Variants in MARCO observed in about 807,000 individuals in gnomAD.
MARCO encodes the protein macrophage receptor MARCO.
In MARCO, 72 loss-of-function variants were observed where a neutral mutation model predicts 70.0. The observed-to-expected ratio is 1.03, with a 90% CI of 0.85 to 1.25. The LOEUF (loss-of-function observed/expected upper bound fraction) is 1.25, where lower values mean the gene tolerates loss of function less well. Ranked by LOEUF, MARCO falls within the 50% of genes most tolerant of loss-of-function variation. The probability of loss-of-function intolerance (pLI) is 0.00; values close to 1 mark genes in which losing one functional copy is unlikely to be tolerated. For synonymous variants in MARCO, 273 were observed against 243.1 expected, an observed-to-expected ratio of 1.12 and a Z score of -1.14; for missense variants, 696 against 659.3, an observed-to-expected ratio of 1.06 and a Z score of -0.61.
chr2:118,972,036 C>T (rs954224174), intron 4 of MARCO, among the ~76,000 whole-genome samples: 4 of 152,206 alleles, frequency 2.6e-5, no homozygotes, highest in Non-Finnish European at 5.9e-5. Context: ...CTGGGGCTTA[C>T]TGGCGGTGTG....
chr2:118,979,954 T>C (rs1159257496), intron 8 of MARCO, among the ~76,000 whole-genome samples: 2 of 152,250 alleles, frequency 1.3e-5, no homozygotes, highest in African/African-American at 4.8e-5. Context: ...TGGGAAGTTC[T>C]GAAGTCAGGC....
At chr2:118,964,887 CAAA>C (rs35141497) in intron 1 of MARCO, among the ~76,000 whole-genome samples, 6 of 133,288 alleles carry the variant, frequency 4.5e-5, no homozygotes, top group African/African-American at 5.5e-5. Flanking sequence ...GATACCATCT[CAAA>C]AAAAAAAAAA....
chr2:118,971,977 T>C (rs1340155044), intron 4 of MARCO, among the ~76,000 whole-genome samples: 2 of 152,188 alleles, frequency 1.3e-5, no homozygotes, highest in Admixed American at 6.5e-5. Flanking sequence ...GCAGGTGTCA[T>C]GGAGGCGCAG....
intron 4 of MARCO, among the ~76,000 whole-genome samples, chr2:118,973,947 C>T (rs56334891): frequency 0.13 from 19,458 of 152,258 alleles, 1,382 homozygotes; most frequent in South Asian, 0.27. Context: ...CCTTGTGAGC[C>T]TTCCTGTGAG....
intron 1 of MARCO, among the ~76,000 whole-genome samples, chr2:118,960,641 C>A (rs1679925554): frequency 6.6e-6 from 1 of 152,094 alleles, no homozygotes; most frequent in Non-Finnish European, 1.5e-5. Flanking sequence ...CCTTGCATAT[C>A]TGGAATAAAT....
chr2:118,983,166 C>T (rs11123499), intron 12 of MARCO, among the ~76,000 whole-genome samples: 49,939 of 152,132 alleles, frequency 0.33, 9,443 homozygotes, highest in Non-Finnish European at 0.43. Context: ...AAGCCAAGAG[C>T]GGGCAGGAGG....
intron 1 of MARCO, among the ~76,000 whole-genome samples, chr2:118,959,585 TA>T (rs1194682511): frequency 6.6e-6 from 1 of 152,162 alleles, no homozygotes; most frequent in Non-Finnish European, 1.5e-5. Flanking sequence ...GGAGATTCCT[TA>T]AAGAAGTAAA....
rs186384499 is a variant in MARCO, at chr2:118,993,063, G to A, written c.1253-61G>A. 815 of 1,431,106 alleles carry A rather than the reference G, an allele frequency of 5.7e-4. 1 individual carries two copies. In the African/African-American group the frequency reaches 7.5e-3, roughly 13 times the overall value. The allele number at this position is 1,431,106 out of a possible 1,614,324, so 88.7% of individuals were successfully genotyped here. A position where few individuals can be genotyped will look rare whatever the true frequency, so the allele number is the denominator to read the frequency against. ...ACTCCAAAATGAAAAGAAAGAGCCC[G>A]CACTTACCCAAAGCCCCAAGGGGCC... On this transcript the variant is annotated intron_variant, in intron 15 of 16. Transcript: ENST00000327097.
chr2:118,942,460 C>A, intron 1 of MARCO, 63 bp downstream of exon 1: 1 of 1,278,116 alleles, frequency 7.8e-7, no homozygotes. Flanking sequence ...TAGCGAGATA[C>A]GAAAATAGAC....
At chr2:118,966,333 G>T (rs1039167306) in intron 1 of MARCO, among the ~76,000 whole-genome samples, 4 of 152,168 alleles carry the variant, frequency 2.6e-5, no homozygotes, top group African/African-American at 9.7e-5. Context: ...ACTAGCAGCT[G>T]TTTTTATCCT....
intron 1 of MARCO, among the ~76,000 whole-genome samples, chr2:118,965,484 T>A (rs1243260349): frequency 1.3e-5 from 2 of 152,228 alleles, no homozygotes; most frequent in African/African-American, 4.8e-5. Flanking sequence ...CACTAAGGCA[T>A]TTTGTTACAG....
chr2:118,991,407 G>T (rs1202407595), intron 13 of MARCO, among the ~76,000 whole-genome samples: 7 of 152,072 alleles, frequency 4.6e-5, no homozygotes, highest in Non-Finnish European at 1.0e-4. Context: ...GATTACAGGA[G>T]TAAGCCACTG....
chr2:118,973,485 G>A (rs17009811), intron 4 of MARCO, among the ~76,000 whole-genome samples: 2 of 152,086 alleles, frequency 1.3e-5, no homozygotes, highest in Non-Finnish European at 1.5e-5. Flanking sequence ...TAGAAGTCTC[G>A]GCTCCTCCTC....
chr2:118,968,177 G>T (rs888629614), intron 1 of MARCO, among the ~76,000 whole-genome samples: 2 of 152,160 alleles, frequency 1.3e-5, no homozygotes, highest in African/African-American at 4.8e-5. Flanking sequence ...GCAGTCTGGG[G>T]CCCTCCCTTT....
intron 1 of MARCO, among the ~76,000 whole-genome samples, chr2:118,952,429 A>G (rs1207710098): frequency 1.3e-5 from 2 of 152,170 alleles, no homozygotes; most frequent in Non-Finnish European, 2.9e-5. Context: ...CCTAAGCCAT[A>G]TGAGGTAGCT....
chr2:118,956,859 T>C (rs1329418999), intron 1 of MARCO, among the ~76,000 whole-genome samples: 2 of 152,130 alleles, frequency 1.3e-5, no homozygotes, highest in East Asian at 3.9e-4. Context: ...GCCATGCAAA[T>C]ACATGGAAAT....
chr2:118,982,144 C>A lies in MARCO; in HGVS notation c.902-12C>A. Reference sequence around the variant, plus strand: ...AACCACCACAGCCTGGCAGTCACTACTTTCCTTTCAGGACAACCTGGACTG... The same window carrying A: ...AACCACCACAGCCTGGCAGTCACTAATTTCCTTTCAGGACAACCTGGACTG... On this transcript the variant is annotated splice_polypyrimidine_tract_variant and intron_variant, in intron 10 of 16. Coordinates refer to ENST00000327097, the MANE Select transcript of MARCO (RefSeq NM_006770.4). 2 of 1,598,630 alleles carry A rather than the reference C, an allele frequency of 1.3e-6. No individual in the cohort carries two copies. Among genetic ancestry groups the A allele is most frequent in the South Asian group, 1.1e-5 (1 of 90,366 alleles).
Position 118,981,457 on chromosome 2 carries a change from C to T in MARCO, c.815C>T (p.Pro272Leu), listed in dbSNP as rs1267690466. 1.9e-6 allele frequency: 3 copies of T among 1,596,492 alleles called. No homozygotes were observed. The highest frequency in any genetic ancestry group is 1.1e-5 in the South Asian group (1 of 87,226). The change falls in exon 9 of 17, where the codon CCT becomes CTT. Residue 272 changes from proline (P) to leucine (L), a missense_variant. This residue lies in a region of MARCO where 605 missense variants were observed against 537.6 expected (regional missense o/e 1.13). Coordinates refer to ENST00000327097, the MANE Select transcript of MARCO (RefSeq NM_006770.4). ...GMKGDAGVMGPPGAQGSKGDF... is the reference protein window; with the variant it reads ...GMKGDAGVMGLPGAQGSKGDF... The stretch of plus-strand genomic sequence containing the variant: ...AAAGGAGATGCAGGGGTCATGGGGC[C>T]TCCTGGAGCCCAGGGGAGTAAAGGT...
chr2:118,958,896 C>T (rs1679887588), intron 1 of MARCO, among the ~76,000 whole-genome samples: 1 of 152,016 alleles, frequency 6.6e-6, no homozygotes, highest in African/African-American at 2.4e-5. Context: ...AAAGGACACC[C>T]TTTTCAACAA....
Sources: allele counts gnomAD v4.1 joint callset (sites outside exome capture counted in the v4.1 genomes callset), GRCh38; gene constraint gnomAD v4.1.1; regional missense constraint gnomAD v4.1.1; transcripts MANE v1.5; gene names NCBI Gene and HGNC (gene_info 2026-07-23, HGNC 2026-07-21).